Variants in SLC6A20 observed in about 807,000 individuals in gnomAD.
The protein encoded by SLC6A20 is solute carrier family 6 member 20, also known as sodium- and chloride-dependent transporter XTRP3.
Under a neutral mutation model 64.3 loss-of-function variants are expected in SLC6A20, and 73 were observed. That is an observed-to-expected ratio of 1.14 (90% CI 0.94 to 1.38). SLC6A20 has a LOEUF of 1.38. Ranked by LOEUF, SLC6A20 falls within the 40% of genes most tolerant of loss-of-function variation. The pLI, the probability that SLC6A20 is intolerant of heterozygous loss-of-function variation, is 0.00. For synonymous variants in SLC6A20, 347 were observed against 329.6 expected (o/e 1.05, Z -0.57); for missense variants, 725 against 772.8 (o/e 0.94, Z 0.73).
At chr3:45,772,872 G>A (rs1319631673) in intron 4 of SLC6A20, among the ~76,000 whole-genome samples, 3 of 152,116 alleles carry the variant, frequency 2.0e-5, no homozygotes, top group East Asian at 1.9e-4. Flanking sequence ...AACAGGTACC[G>A]AGCCTCTGCC....
At chr3:45,795,142 C>T (rs1163955434) in intron 1 of SLC6A20, among the ~76,000 whole-genome samples, 1 of 152,112 alleles carries the variant, frequency 6.6e-6, no homozygotes, top group African/African-American at 2.4e-5. Context: ...CACATACACA[C>T]ACAAAAACAC....
In SLC6A20 at chr3:45,780,250, G is replaced by A. The variant is rs543762608; in HGVS notation, c.263-150C>T. 761 of 642,808 alleles carry A rather than the reference G, an allele frequency of 1.2e-3. 16 individuals carry two copies. The South Asian group carries it at 0.014, about 12-fold the overall frequency. The allele number at this position is 642,808 out of a possible 1,614,324, so 39.8% of individuals were successfully genotyped here. ...CAGGTTTGTGTGGTGAGTATTAAGC[G>A]AGACCAGGCACCTGTGAACACTTGG... On this transcript the variant is annotated intron_variant, in intron 2 of 10. Coordinates refer to ENST00000358525, the MANE Select transcript of SLC6A20 (RefSeq NM_020208.4).
At chr3:45,769,756 T>C (rs1427561278) in intron 7 of SLC6A20, among the ~76,000 whole-genome samples, 4 of 152,086 alleles carry the variant, frequency 2.6e-5, no homozygotes, top group African/African-American at 9.7e-5. Context: ...TAAGAATACA[T>C]AGATGGGTAA....
chr3:45,790,179 C>T (rs544925284), intron 1 of SLC6A20: 1 of 152,240 alleles, frequency 6.6e-6, no homozygotes, highest in East Asian at 1.9e-4. Context: ...CTCTTTCTCT[C>T]CCTCCACTTA....
At chr3:45,760,300 G>A (rs1315000531) in intron 9 of SLC6A20, among the ~76,000 whole-genome samples, 1 of 152,224 alleles carries the variant, frequency 6.6e-6, no homozygotes, top group East Asian at 1.9e-4. Flanking sequence ...TTCAGATGAA[G>A]GCTGCTGGCA....
In SLC6A20 at chr3:45,758,291, G is replaced by T; in HGVS notation, c.*687C>A. On this transcript the variant is annotated 3_prime_UTR_variant, in exon 11 of 11. Transcript: ENST00000358525. Reference sequence around the variant, plus strand: ...ATGCACCAAGACACACACCACGGAGGGATGTCTGCACAGACTTCTAATGTG... The same window carrying T: ...ATGCACCAAGACACACACCACGGAGTGATGTCTGCACAGACTTCTAATGTG... 1 of 440,302 alleles carries T rather than the reference G, an allele frequency of 2.3e-6. No individual in the cohort carries two copies. The highest frequency in any genetic ancestry group is 3.8e-6 in the Non-Finnish European group (1 of 261,022). 27.3% of individuals were successfully genotyped at this position (440,302 alleles called of 1,614,324 possible).
rs1699758374 is a variant in SLC6A20, at chr3:45,765,458, C to T, written c.1303+79G>A. On this transcript the variant is annotated intron_variant, in intron 8 of 10. Coordinates refer to ENST00000358525, the MANE Select transcript of SLC6A20 (RefSeq NM_020208.4). This position sits in a 1 kb window ranked among gnomAD's most constrained non-coding sequence, Gnocchi z 4.2. ...AGCCACCTGAACCAGCCCATGACCC[C>T]TGAGGGAGCTCTCCCCTGTTCACCC... 3 of 1,502,708 alleles carry T rather than the reference C, an allele frequency of 2.0e-6. No homozygotes were observed. Among genetic ancestry groups the T allele is most frequent in the Non-Finnish European group, 2.7e-6 (3 of 1,111,334 alleles). The allele number at this position is 1,502,708 out of a possible 1,614,324, so 93.1% of individuals were successfully genotyped here. A position where few individuals can be genotyped will look rare whatever the true frequency, so the allele number is the denominator to read the frequency against.
chr3:45,787,071 C>T (rs2125655697), intron 1 of SLC6A20, among the ~76,000 whole-genome samples: 1 of 152,372 alleles, frequency 6.6e-6, no homozygotes, highest in East Asian at 1.9e-4. Context: ...GATTGTGACA[C>T]ACCTGCCTTT....
chr3:45,792,210 G>A (rs965670080), intron 1 of SLC6A20, among the ~76,000 whole-genome samples: 3 of 152,088 alleles, frequency 2.0e-5, no homozygotes, highest in Admixed American at 6.5e-5. Flanking sequence ...CCTGAGCCAC[G>A]GCAATTCTTA....
chr3:45,771,576 A>G, intron 5 of SLC6A20, 118 bp from the exon 6 acceptor site: 1 of 1,507,156 alleles, frequency 6.6e-7, no homozygotes, highest in Admixed American at 1.9e-5. Flanking sequence ...CGCAGCCATC[A>G]GGGGCACCCC....
At chr3:45,760,915 C>T (rs1699667885) in intron 9 of SLC6A20, among the ~76,000 whole-genome samples, 1 of 152,214 alleles carries the variant, frequency 6.6e-6, no homozygotes, top group South Asian at 2.1e-4. Flanking sequence ...CTCCTGCCTC[C>T]AGCCCAGAGC....
In SLC6A20 at chr3:45,765,038, C is replaced by A. The variant is rs1370867221; in HGVS notation, c.1303+499G>T. On this transcript the variant is annotated intron_variant, in intron 8 of 10. Transcript: ENST00000358525. This position sits in a 1 kb window ranked among gnomAD's most constrained non-coding sequence, Gnocchi z 4.2. Reference sequence around the variant, plus strand: ...GACCAGCCTGGCCAACATGGTGAAACCCCTTCTCTACTAAAAATACAAAAA... The same window carrying A: ...GACCAGCCTGGCCAACATGGTGAAAACCCTTCTCTACTAAAAATACAAAAA... 6.6e-6 allele frequency among the ~76,000 whole-genome samples: 1 copy of A among 151,740 alleles called. No homozygotes were observed. Among genetic ancestry groups the A allele is most frequent in the African/African-American group, 2.4e-5 (1 of 41,216 alleles).
chr3:45,760,088 G>T, intron 9 of SLC6A20, 66 bp from the exon 10 acceptor site: 1 of 1,519,484 alleles, frequency 6.6e-7, no homozygotes, highest in Non-Finnish European at 8.9e-7. Flanking sequence ...CGTCCAGCTT[G>T]CCTGTCCCTA....
rs1699600617 is a variant in SLC6A20, at chr3:45,759,008, G to C, written c.1749C>G (p.Leu583=). The change falls in exon 11 of 11, where the codon CTC becomes CTG. Residue 583 remains leucine (L), a synonymous_variant. Transcript: ENST00000358525. The part of the protein sequence containing the change: ...AALGTFVQRR[L]KRGDADPVA ...CCACGGGGTCTGCGTCTCCCCTCTT[G>C]AGGCGACGCTGAACAAAAGTCCCCA... 6.2e-7 allele frequency: 1 copy of C among 1,611,368 alleles called. No individual in the cohort carries two copies. Among genetic ancestry groups the C allele is most frequent in the Non-Finnish European group, 8.5e-7 (1 of 1,178,852 alleles).
At chr3:45,783,405 T>G (rs1337926825) in intron 1 of SLC6A20, among the ~76,000 whole-genome samples, 1 of 152,274 alleles carries the variant, frequency 6.6e-6, no homozygotes, top group African/African-American at 2.4e-5. Context: ...GTCTCCATTG[T>G]ACACACGTGC....
intron 4 of SLC6A20, among the ~76,000 whole-genome samples, chr3:45,775,031 C>T (rs961679369): frequency 2.3e-4 from 35 of 152,142 alleles, no homozygotes; most frequent in African/African-American, 8.4e-4. Context: ...TCCGAGACAT[C>T]TGCTGAAGCT....
chr3:45,782,105 G>C lies in SLC6A20; in HGVS notation c.240C>G (p.Ile80Met), dbSNP rs1700101261. 6.2e-7 allele frequency: 1 copy of C among 1,612,514 alleles called. No homozygotes were observed. The highest frequency in any genetic ancestry group is 1.3e-5 in the African/African-American group (1 of 74,888). The change falls in exon 2 of 11, where the codon ATC becomes ATG. Residue 80 changes from isoleucine (I) to methionine (M), a missense_variant. Physicochemically the swap from Ile to Met is conservative, Grantham distance 10. Coordinates refer to ENST00000358525, the MANE Select transcript of SLC6A20 (RefSeq NM_020208.4). The part of the protein sequence containing the change: ...RQGSIGAWRT[I>M]SPYLSGVGVA... Reference sequence around the variant, plus strand: ...TACCGACACCACTGAGGTACGGGCTGATGGTCCTCCAGGCGCCGATGCTGC... The same window carrying C: ...TACCGACACCACTGAGGTACGGGCTCATGGTCCTCCAGGCGCCGATGCTGC...
intron 2 of SLC6A20, 26 bp from the exon 3 acceptor site, chr3:45,780,126 G>A (rs1372740588): frequency 1.9e-6 from 3 of 1,559,874 alleles, no homozygotes; most frequent in Non-Finnish European, 2.6e-6. Flanking sequence ...GGGCCGCGCT[G>A]AGGACTGAGG....
At chr3:45,767,827 T>C (rs953379553) in intron 7 of SLC6A20, among the ~76,000 whole-genome samples, 5 of 152,100 alleles carry the variant, frequency 3.3e-5, no homozygotes, top group African/African-American at 1.2e-4. Context: ...AAAGAAAATA[T>C]CAAGAGCAAC....
Sources: allele counts gnomAD v4.1 joint callset (sites outside exome capture counted in the v4.1 genomes callset), GRCh38; gene constraint gnomAD v4.1.1; non-coding constraint Gnocchi (gnomAD v3.1); transcripts MANE v1.5; gene names NCBI Gene and HGNC (gene_info 2026-07-23, HGNC 2026-07-21).